The following COPZ2 variants were observed in gnomAD, a reference collection of about 807,000 sequenced individuals.
COPZ2 encodes coat protein complex I subunit zeta 2.
COPZ2 carries 30 observed loss-of-function variants against 33.2 expected under a neutral mutation model. The observed-to-expected ratio is 0.90, with a 90% CI of 0.68 to 1.23. COPZ2 has a LOEUF of 1.23. Among genes scored for constraint, COPZ2 ranks in the 50% most tolerant of loss-of-function variants. COPZ2 has a pLI of 0.00. For missense variants in COPZ2, 263 were observed against 262.4 expected (o/e 1.00, Z -0.02); for synonymous variants, 89 against 102.6 (o/e 0.87, Z 0.80).
intron 2 of COPZ2, among the ~76,000 whole-genome samples, chr17:48,036,535 T>C (rs1001930319): frequency 3.3e-5 from 5 of 152,112 alleles, no homozygotes; most frequent in Admixed American, 6.5e-5. Flanking sequence ...AGAACTTGTG[T>C]GGGGGTTTGG....
At chr17:48,046,838 T>C in the COPZ2 span, 1 of 152,238 alleles carries the variant, frequency 6.6e-6, no homozygotes, top group African/African-American at 2.4e-5. Context: ...TTTGAGTGTC[T>C]ACTAAGTTAT....
Position 48,028,458 on chromosome 17 carries a change from G to T in COPZ2, c.585+14C>A, listed in dbSNP as rs755288512. 5.6e-6 allele frequency: 9 copies of T among 1,607,780 alleles called. No individual in the cohort carries two copies. The highest frequency in any genetic ancestry group is 7.6e-6 in the Non-Finnish European group (9 of 1,177,162). ...TAGACCATTTCTAGCCAAGGCAGAT[G>T]CAGGGGGGCCTACCTGGGCCACACT... On this transcript the variant is annotated intron_variant, in intron 8 of 8. Coordinates refer to ENST00000621465, the MANE Select transcript of COPZ2 (RefSeq NM_016429.4). This position sits in a 1 kb window ranked among gnomAD's most constrained non-coding sequence, Gnocchi z 4.5.
chr17:48,030,363 A>C (rs900256997), intron 6 of COPZ2, among the ~76,000 whole-genome samples: 6 of 151,748 alleles, frequency 4.0e-5, no homozygotes, highest in Non-Finnish European at 8.8e-5. Context: ...CTTTTGATAG[A>C]CCCAAATATT....
chr17:48,038,494 T>C (rs1441033458), upstream of COPZ2, among the ~76,000 whole-genome samples: 2 of 152,222 alleles, frequency 1.3e-5, no homozygotes, highest in Non-Finnish European at 2.9e-5. Context: ...AAGTGGGAAA[T>C]TCACATCCCA....
upstream of COPZ2, among the ~76,000 whole-genome samples, chr17:48,039,234 G>A (rs1487909463): frequency 2.6e-5 from 4 of 152,094 alleles, no homozygotes; most frequent in Non-Finnish European, 5.9e-5. Flanking sequence ...ACTTTGGGAG[G>A]CTGAGGTGGG....
chr17:48,042,901 C>T (rs1207550898), upstream of COPZ2, among the ~76,000 whole-genome samples: 1 of 152,232 alleles, frequency 6.6e-6, no homozygotes, highest in African/African-American at 2.4e-5. Context: ...TCTTTCTCTC[C>T]ATGACAACCG....
In COPZ2 at chr17:48,037,280, T is replaced by C; in HGVS notation, c.112-355A>G. The C allele has an allele frequency of 1.9e-6, 1 of 532,434 alleles. No homozygotes were observed. The highest frequency in any genetic ancestry group is 3.7e-6 in the Non-Finnish European group (1 of 271,838). The allele number at this position is 532,434 out of a possible 1,614,324, so 33.0% of individuals were successfully genotyped here. On this transcript the variant is annotated intron_variant, in intron 1 of 8. Coordinates refer to ENST00000621465, the MANE Select transcript of COPZ2 (RefSeq NM_016429.4). The surrounding 1 kb of genome is among the most constrained non-coding windows in gnomAD (Gnocchi z 5.6). ...GAGCCTCCTTCTTCCAGCTGATCCC[T>C]GGCCGGGCTGGACCTGCGCTATCAG...
Position 48,037,572 on chromosome 17 carries a change from GGCGCGCGA to G in COPZ2, c.111+87_111+94del. On this transcript the variant is annotated intron_variant, in intron 1 of 8. Transcript: ENST00000621465. This position sits in a 1 kb window ranked among gnomAD's most constrained non-coding sequence, Gnocchi z 5.6. ...GGTGACACAAAGTTCCCAGCCGCCG[GGCGCGCGA>G]GTTCTGAGTTGGCTGCTCCCCCTAA... 1 of 1,004,308 alleles carries G rather than the reference GGCGCGCGA, an allele frequency of 1.0e-6. No homozygotes were observed. The highest frequency in any genetic ancestry group is 3.6e-5 in the South Asian group (1 of 27,708). The allele number at this position is 1,004,308 out of a possible 1,614,324, so 62.2% of individuals were successfully genotyped here.
chr17:48,034,023 T>A, intron 2 of COPZ2, 79 bp from the exon 3 acceptor site: 1 of 1,019,630 alleles, frequency 9.8e-7, no homozygotes, highest in Non-Finnish European at 1.5e-6. Flanking sequence ...CAGGAAAGAG[T>A]AGGCGCTGGG....
upstream of COPZ2, among the ~76,000 whole-genome samples, chr17:48,039,640 G>A (rs184630023): frequency 3.0e-4 from 46 of 152,190 alleles, no homozygotes; most frequent in Admixed American, 2.4e-3. Flanking sequence ...GGATACAGGC[G>A]TGAACCACCA....
At chr17:48,034,411 C>A (rs188996431) in intron 2 of COPZ2, among the ~76,000 whole-genome samples, 38 of 152,212 alleles carry the variant, frequency 2.5e-4, no homozygotes, top group Admixed American at 4.6e-4. Flanking sequence ...TGGCCCCCTC[C>A]AAAACAAATT....
At chr17:48,033,423 A>G in intron 3 of COPZ2, 121 bp from the exon 4 acceptor site, 1 of 682,356 alleles carries the variant, frequency 1.5e-6, no homozygotes, top group East Asian at 2.7e-5. Context: ...GAACCCTTGG[A>G]AAGACCAGCA....
chr17:48,034,901 G>T (rs551825671), intron 2 of COPZ2, among the ~76,000 whole-genome samples: 1 of 152,218 alleles, frequency 6.6e-6, no homozygotes, highest in South Asian at 2.1e-4. Flanking sequence ...CAGGAGAATC[G>T]CTTGAACCCG....
At chr17:48,035,449 G>C (rs1167785806) in intron 2 of COPZ2, among the ~76,000 whole-genome samples, 1 of 152,208 alleles carries the variant, frequency 6.6e-6, no homozygotes, top group African/African-American at 2.4e-5. Context: ...AGATTGGAGT[G>C]CAGTAGCTCG....
upstream of COPZ2, among the ~76,000 whole-genome samples, chr17:48,040,433 AT>A (rs758072776): frequency 0.32 from 39,617 of 125,320 alleles, 5,082 homozygotes; most frequent in Non-Finnish European, 0.35. Context: ...TTGGTGACAG[AT>A]TTTTTTTTTT....
chr17:48,029,819 A>T (rs1030636876), intron 6 of COPZ2, among the ~76,000 whole-genome samples: 10 of 151,972 alleles, frequency 6.6e-5, no homozygotes, highest in Non-Finnish European at 1.2e-4. Context: ...AAGTACAAAA[A>T]TCAGCCAGGC....
chr17:48,039,859 C>T (rs1453567480), upstream of COPZ2, among the ~76,000 whole-genome samples: 3 of 152,122 alleles, frequency 2.0e-5, no homozygotes, highest in South Asian at 2.1e-4. Context: ...CGGTGGCTCA[C>T]GCCTGTAATT....
chr17:48,038,166 T>C (rs77225910), upstream of COPZ2: 16,145 of 152,262 alleles, frequency 0.11, 1,101 homozygotes, highest in African/African-American at 0.19. Flanking sequence ...CTCTGGTAGG[T>C]ACCATGAGGA....
Position 48,028,032 on chromosome 17 carries a change from AC to A in COPZ2, c.585+439del, listed in dbSNP as rs1238268783. 6.6e-6 allele frequency among the ~76,000 whole-genome samples: 1 copy of A among 152,184 alleles called. No homozygotes were observed. Among genetic ancestry groups the A allele is most frequent in the Non-Finnish European group, 1.5e-5 (1 of 68,012 alleles). Reference sequence around the variant, plus strand: ...CTATCATGGGTTTGAGAGTCCCTTAACAATCCCAGTGTGCACCCTAAGTGGC... The same window carrying A: ...CTATCATGGGTTTGAGAGTCCCTTAAAATCCCAGTGTGCACCCTAAGTGGC... On this transcript the variant is annotated intron_variant, in intron 8 of 8. Coordinates refer to ENST00000621465, the MANE Select transcript of COPZ2 (RefSeq NM_016429.4). This position sits in a 1 kb window ranked among gnomAD's most constrained non-coding sequence, Gnocchi z 4.5.
Sources: allele counts gnomAD v4.1 joint callset (sites outside exome capture counted in the v4.1 genomes callset), GRCh38; gene constraint gnomAD v4.1.1; non-coding constraint Gnocchi (gnomAD v3.1); transcripts MANE v1.5; gene names NCBI Gene and HGNC (gene_info 2026-07-23, HGNC 2026-07-21).